Variants in ANTXR1 observed in about 807,000 individuals in gnomAD.
ANTXR1 encodes the protein anthrax toxin receptor 1.
A neutral mutation model predicts 78.1 loss-of-function variants in ANTXR1; 19 were observed. The observed-to-expected ratio is 0.24, with a 90% CI of 0.17 to 0.36. ANTXR1 has a LOEUF of 0.36. Among genes scored for constraint, ANTXR1 ranks in the 10% least tolerant of loss-of-function variants. The pLI is 1.00. For synonymous variants in ANTXR1, 273 were observed against 260.5 expected (o/e 1.05, Z -0.46); for missense variants, 518 against 718.6 (o/e 0.72, Z 3.19).
intron 16 of ANTXR1, among the ~76,000 whole-genome samples, chr2:69,183,229 G>A (rs996172028): frequency 6.6e-6 from 1 of 151,866 alleles, no homozygotes; most frequent in Non-Finnish European, 1.5e-5. Context: ...GGGCCCACCA[G>A]CAAATCTCAC....
intron 17 of ANTXR1, among the ~76,000 whole-genome samples, chr2:69,244,311 C>A (rs560360132): frequency 1.3e-5 from 2 of 152,200 alleles, no homozygotes; most frequent in Non-Finnish European, 2.9e-5. Flanking sequence ...AGGGCAGATG[C>A]CTGCTTGGCA....
chr2:69,129,222 A>G (rs1426592048), intron 12 of ANTXR1, among the ~76,000 whole-genome samples: 1 of 152,250 alleles, frequency 6.6e-6, no homozygotes, highest in African/African-American at 2.4e-5. Flanking sequence ...TGCTTTCAGT[A>G]AAGTATTGAA....
chr2:69,109,272 C>T (rs539129609), intron 10 of ANTXR1, among the ~76,000 whole-genome samples: 1 of 152,270 alleles, frequency 6.6e-6, no homozygotes, highest in South Asian at 2.1e-4. Context: ...TTAAATGGAG[C>T]AGTAACTGAG....
At chr2:69,123,179 G>A in intron 11 of ANTXR1, 93 bp downstream of exon 11, 2 of 1,338,976 alleles carry the variant, frequency 1.5e-6, no homozygotes, top group South Asian at 1.2e-5. Context: ...AGAGAAAGTG[G>A]AGCCTTTCTC....
At chr2:69,031,505 A>C (rs1166620470) in intron 1 of ANTXR1, among the ~76,000 whole-genome samples, 1 of 152,192 alleles carries the variant, frequency 6.6e-6, no homozygotes, top group African/African-American at 2.4e-5. Context: ...TGCACAGTCT[A>C]ATTACGTTGA....
chr2:69,044,502 G>A (rs1669701579), intron 2 of ANTXR1, among the ~76,000 whole-genome samples: 1 of 152,116 alleles, frequency 6.6e-6, no homozygotes, highest in African/African-American at 2.4e-5. Flanking sequence ...CACTCACTAA[G>A]CAATGATATC....
intron 10 of ANTXR1, among the ~76,000 whole-genome samples, chr2:69,117,181 C>T (rs1672171302): frequency 6.6e-6 from 1 of 152,190 alleles, no homozygotes; most frequent in African/African-American, 2.4e-5. Flanking sequence ...AAGATCTTGG[C>T]CATGTGCCTC....
chr2:69,050,273 T>C (rs1669892112), intron 3 of ANTXR1, among the ~76,000 whole-genome samples: 1 of 152,028 alleles, frequency 6.6e-6, no homozygotes, highest in African/African-American at 2.4e-5. Context: ...CACTCCAGCC[T>C]GGGCAACAGA....
chr2:69,198,379 GT>G (rs1364670017), intron 17 of ANTXR1, among the ~76,000 whole-genome samples: 2 of 151,946 alleles, frequency 1.3e-5, no homozygotes, highest in Non-Finnish European at 2.9e-5. Context: ...TTGTCAATTG[GT>G]TTGACTTGGC....
At chr2:69,115,238 G>A (rs1041045624) in intron 10 of ANTXR1, among the ~76,000 whole-genome samples, 2 of 152,192 alleles carry the variant, frequency 1.3e-5, no homozygotes, top group African/African-American at 4.8e-5. Context: ...CTATATTCAT[G>A]TCCAAAGATC....
At chr2:69,025,543 A>T (rs988327361) in intron 1 of ANTXR1, among the ~76,000 whole-genome samples, 11 of 152,250 alleles carry the variant, frequency 7.2e-5, no homozygotes, top group African/African-American at 2.4e-4. Context: ...TCAGAATCAT[A>T]GTCAGCCTAC....
chr2:69,225,387 G>A (rs1470593572), intron 17 of ANTXR1, among the ~76,000 whole-genome samples: 2 of 152,164 alleles, frequency 1.3e-5, no homozygotes, highest in Admixed American at 6.5e-5. Context: ...GGCCAAAGTG[G>A]AAGGATCGCT....
chr2:69,075,237 C>T (rs986484578), intron 6 of ANTXR1, among the ~76,000 whole-genome samples: 1 of 152,080 alleles, frequency 6.6e-6, no homozygotes, highest in Non-Finnish European at 1.5e-5. Flanking sequence ...ATATCACGCC[C>T]CCATTACAAA....
chr2:69,143,235 G>T (rs1325847181), intron 12 of ANTXR1, among the ~76,000 whole-genome samples: 1 of 152,156 alleles, frequency 6.6e-6, no homozygotes, highest in Non-Finnish European at 1.5e-5. Context: ...TCCTAAGTCT[G>T]TTCAATGGTA....
chr2:69,190,019 G>A (rs1386230716), intron 16 of ANTXR1, among the ~76,000 whole-genome samples: 1 of 152,216 alleles, frequency 6.6e-6, no homozygotes, highest in African/African-American at 2.4e-5. Context: ...TTGGACCCAT[G>A]AGACTAGATG....
At chr2:69,121,611 T>A (rs1371989855) in intron 10 of ANTXR1, among the ~76,000 whole-genome samples, 1 of 152,226 alleles carries the variant, frequency 6.6e-6, no homozygotes, top group South Asian at 2.1e-4. Flanking sequence ...GACTTGCAGA[T>A]ATCATAAGCG....
intron 3 of ANTXR1, among the ~76,000 whole-genome samples, chr2:69,051,822 G>T (rs6714130): frequency 0.053 from 8,010 of 151,960 alleles, 661 homozygotes; most frequent in African/African-American, 0.18. Context: ...ATTATGGAGT[G>T]TGCATCTAAT....
chr2:69,015,283 AAAAC>A (rs1159455013), intron 1 of ANTXR1, among the ~76,000 whole-genome samples: 1 of 151,942 alleles, frequency 6.6e-6, no homozygotes, highest in Non-Finnish European at 1.5e-5. Flanking sequence ...AAAAAAAAAA[AAAAC>A]AGGTAAAAAG....
At chr2:69,121,629 T>A (rs1672349532) in intron 10 of ANTXR1, among the ~76,000 whole-genome samples, 2 of 152,202 alleles carry the variant, frequency 1.3e-5, no homozygotes, top group Admixed American at 1.3e-4. Context: ...GCGACATCAG[T>A]GTCACAACAA....
Sources: allele counts gnomAD v4.1 joint callset (sites outside exome capture counted in the v4.1 genomes callset), GRCh38; gene constraint gnomAD v4.1.1; transcripts MANE v1.5; gene names NCBI Gene and HGNC (gene_info 2026-07-23, HGNC 2026-07-21).